Variants in RNLS observed in about 807,000 individuals in gnomAD.
RNLS encodes the protein renalase.
A neutral mutation model predicts 39.8 loss-of-function variants in RNLS; 39 were observed. The observed-to-expected ratio is 0.98, with a 90% confidence interval of 0.76 to 1.28. The LOEUF is 1.28. Ranked by LOEUF, RNLS falls within the 50% of genes most tolerant of loss-of-function variation. The pLI is 0.00. For missense variants in RNLS, 410 were observed against 413.3 expected, an observed-to-expected ratio of 0.99 and a Z score of 0.07; for synonymous variants, 147 against 150.7, an observed-to-expected ratio of 0.98 and a Z score of 0.18.
the RNLS span, among the ~76,000 whole-genome samples, chr10:88,250,999 T>C: frequency 2.0e-5 from 3 of 152,230 alleles, no homozygotes; most frequent in African/African-American, 7.2e-5. Context: ...TTTTAAAAGC[T>C]ACAAACCTAA....
At chr10:88,182,921 G>A in the RNLS span, among the ~76,000 whole-genome samples, 2 of 152,170 alleles carry the variant, frequency 1.3e-5, no homozygotes, top group East Asian at 3.9e-4. Flanking sequence ...TAGACAGACT[G>A]GCTTTGACTC....
At chr10:88,271,959 A>G (rs1312138674), downstream of RNLS, among the ~76,000 whole-genome samples, 1 of 152,202 alleles carries the variant, frequency 6.6e-6, no homozygotes, top group Non-Finnish European at 1.5e-5. Context: ...ATGATGCAAC[A>G]TGTGCTGGAG....
the RNLS span, among the ~76,000 whole-genome samples, chr10:88,224,925 G>T: frequency 2.0e-5 from 3 of 152,174 alleles, no homozygotes; most frequent in African/African-American, 7.2e-5. Flanking sequence ...ACCATTTATA[G>T]ATTAAGAAGC....
At chr10:88,231,276 A>G in the RNLS span, among the ~76,000 whole-genome samples, 1 of 152,244 alleles carries the variant, frequency 6.6e-6, no homozygotes, top group Non-Finnish European at 1.5e-5. Flanking sequence ...AGAGGAGATT[A>G]GGATACAGAT....
At chr10:88,396,863 G>GA (rs1454688147) in intron 4 of RNLS, among the ~76,000 whole-genome samples, 2 of 151,550 alleles carry the variant, frequency 1.3e-5, no homozygotes, top group South Asian at 2.1e-4. Context: ...TAAAATTTAA[G>GA]AAAAAATCCC....
chr10:88,479,149 G>A (rs2134010438), intron 4 of RNLS, among the ~76,000 whole-genome samples: 1 of 152,186 alleles, frequency 6.6e-6, no homozygotes, highest in South Asian at 2.1e-4. Context: ...GTATATCCTA[G>A]CATGGCATCT....
intron 4 of RNLS, among the ~76,000 whole-genome samples, chr10:88,378,549 C>CT (rs1851209258): frequency 6.6e-6 from 1 of 152,130 alleles, no homozygotes; most frequent in African/African-American, 2.4e-5. Flanking sequence ...TCTCACCTAC[C>CT]TTGTTTGACT....
rs185967158 is a variant in RNLS at position 88,530,558 on chromosome 10, T to A, written c.526+42345A>T. On this transcript the variant is annotated intron_variant, in intron 4 of 6. Transcript: ENST00000331772. ...ATGTATATGCACCTCTTTGTTGTTGTTTAGCATTTTAGTTTAATGTTTAAC... is the reference window on the plus strand; with the variant it reads ...ATGTATATGCACCTCTTTGTTGTTGATTAGCATTTTAGTTTAATGTTTAAC... 1.5e-3 allele frequency among the ~76,000 whole-genome samples: 230 copies of A among 152,298 alleles called. 1 individual carries two copies. Among genetic ancestry groups the A allele is most frequent in the African/African-American group, 5.1e-3 (213 of 41,574 alleles).
chr10:88,570,463 T>G (rs1260634418), intron 4 of RNLS, among the ~76,000 whole-genome samples: 1 of 152,238 alleles, frequency 6.6e-6, no homozygotes, highest in Non-Finnish European at 1.5e-5. Context: ...TTCACTCAAT[T>G]CGCAAATATT....
the RNLS span, among the ~76,000 whole-genome samples, chr10:88,265,331 T>TC: frequency 6.2e-5 from 9 of 144,920 alleles, no homozygotes; most frequent in South Asian, 4.6e-4. Context: ...TTCTTTTTTT[T>TC]TTTTTTTTTT....
chr10:88,397,430 T>C (rs1852628342), intron 4 of RNLS, among the ~76,000 whole-genome samples: 1 of 151,744 alleles, frequency 6.6e-6, no homozygotes, highest in African/African-American at 2.4e-5. Context: ...TAAATGAAAA[T>C]GAAAACACAA....
At chr10:88,548,260 TCAAAA>T (rs1848424362) in intron 4 of RNLS, among the ~76,000 whole-genome samples, 1 of 3,846 alleles carries the variant, frequency 2.6e-4, no homozygotes. Context: ...AGACTCCGTC[TCAAAA>T]AAAAAAAAAA....
intron 4 of RNLS, among the ~76,000 whole-genome samples, chr10:88,516,313 C>A (rs140737881): frequency 3.9e-4 from 59 of 152,066 alleles, no homozygotes; most frequent in African/African-American, 1.3e-3. Flanking sequence ...GCAAGAAAGT[C>A]ACAACTGAGG....
intron 4 of RNLS, among the ~76,000 whole-genome samples, chr10:88,504,403 T>C (rs1037653128): frequency 4.6e-5 from 7 of 152,106 alleles, no homozygotes; most frequent in African/African-American, 1.7e-4. Context: ...TACGCCTCTT[T>C]TGTATAATAA....
chr10:88,182,794 C>CT, the RNLS span, among the ~76,000 whole-genome samples: 3 of 151,682 alleles, frequency 2.0e-5, no homozygotes, highest in South Asian at 2.1e-4. Context: ...AACAGTGAAG[C>CT]TTTTTTTTGT....
intron 4 of RNLS, among the ~76,000 whole-genome samples, chr10:88,493,482 A>T (rs891896567): frequency 3.3e-5 from 5 of 151,234 alleles, no homozygotes; most frequent in Non-Finnish European, 5.9e-5. Context: ...ATTGTGATTT[A>T]AAAAAAAACA....
chr10:88,435,709 C>T (rs1855432154), intron 4 of RNLS, among the ~76,000 whole-genome samples: 1 of 152,024 alleles, frequency 6.6e-6, no homozygotes, highest in African/African-American at 2.4e-5. Context: ...AATATTCAGG[C>T]ACAAAGTGGA....
At chr10:88,269,495 C>A (rs1251897170), downstream of RNLS, among the ~76,000 whole-genome samples, 2 of 152,084 alleles carry the variant, frequency 1.3e-5, no homozygotes, top group African/African-American at 4.8e-5. Flanking sequence ...TCATTCTTAC[C>A]CATCATCAAA....
chr10:88,359,614 C>T (rs1849481433), intron 5 of RNLS, among the ~76,000 whole-genome samples: 2 of 152,214 alleles, frequency 1.3e-5, no homozygotes, highest in African/African-American at 4.8e-5. Flanking sequence ...AGTGGCACCA[C>T]CATGGGCTTT....
Sources: gnomAD v4.1 joint callset for allele counts (sites outside exome capture counted in the v4.1 genomes callset) on GRCh38, gnomAD v4.1.1 for gene constraint, MANE v1.5 for transcripts, NCBI Gene and HGNC (gene_info 2026-07-23, HGNC 2026-07-21) for gene names.